The following ULK2 variants were observed in gnomAD, a reference collection of about 807,000 sequenced individuals.
ULK2 encodes the protein unc-51 like autophagy activating kinase 2.
ULK2 carries 76 observed loss-of-function variants against 127.5 expected under a neutral mutation model. The ratio of observed to expected loss-of-function variants is 0.60; its 90% CI spans 0.50 to 0.72. The LOEUF (loss-of-function observed/expected upper bound fraction) is 0.72. ULK2 is among the 30% of genes least tolerant of loss of function. ULK2 has a pLI of 0.00. For synonymous variants in ULK2, 452 were observed against 461.9 expected (o/e 0.98, Z 0.28); for missense variants, 1,144 against 1,295.9 (o/e 0.88, Z 1.80).
chr17:19,801,863 C>G lies in ULK2; in HGVS notation c.1355G>C (p.Cys452Ser), dbSNP rs749607530. Residue 452 changes from cysteine (C) to serine (S), a missense_variant, in exon 16 of 27, where the codon TGC (cysteine) becomes TCC (serine). Around this residue, in one of 2 missense-constraint regions of ULK2, gnomAD observed 913 missense variants for 970.5 expected, o/e 0.94. Transcript: ENST00000395544. ...TGCTGTGTCTGCTGGTACTGGGGAG[C>G]ATGATCCCGGCCGGAGGAAGCCCAT... The part of the protein sequence containing the change: ...SPMGFLRPGS[C>S]SPVPADTAQT... The G allele has an allele frequency of 8.1e-6, 13 of 1,614,136 alleles. No homozygotes were observed. In the South Asian group the frequency reaches 1.2e-4, roughly 15 times the overall value.
At chr17:19,796,378 G>T in intron 18 of ULK2, 96 bp from the exon 19 acceptor site, 1 of 1,135,596 alleles carries the variant, frequency 8.8e-7, no homozygotes, top group Non-Finnish European at 1.2e-6. Context: ...GTAGTCAGGA[G>T]CATGTAGGAG....
intron 20 of ULK2, among the ~76,000 whole-genome samples, chr17:19,789,501 A>C (rs1311875929): frequency 6.6e-6 from 1 of 152,230 alleles, no homozygotes; most frequent in Non-Finnish European, 1.5e-5. Flanking sequence ...GACACGGACA[A>C]AAATCTACAT....
Position 19,838,438 on chromosome 17 carries a change from A to T in ULK2, c.787+63T>A, listed in dbSNP as rs1176728828. On this transcript the variant is annotated intron_variant, in intron 10 of 26. Transcript: ENST00000395544. ...TAATTTTCTGAAATCTCTAGTTTTTAAATCTTTCGGCATATATAACAATAA... is the reference window on the plus strand; with the variant it reads ...TAATTTTCTGAAATCTCTAGTTTTTTAATCTTTCGGCATATATAACAATAA... 2.9e-6 allele frequency: 4 copies of T among 1,400,928 alleles called. No individual in the cohort carries two copies. In the East Asian group the frequency reaches 9.3e-5, roughly 32 times the overall value. 86.8% of individuals were successfully genotyped at this position (1,400,928 alleles called of 1,614,324 possible).
Position 19,804,898 on chromosome 17 carries a change from T to C in ULK2, c.1158-68A>G, listed in dbSNP as rs113792709. 1.1e-5 allele frequency: 17 copies of C among 1,514,484 alleles called. No homozygotes were observed. In the African/African-American group the frequency reaches 1.2e-4, roughly 11 times the overall value. 93.8% of individuals were successfully genotyped at this position (1,514,484 alleles called of 1,614,324 possible). ...GATTGTTTTTCTTTCATTTGACCCA[T>C]TAGTTATATTTAGAGAAAATTCCAG... On this transcript the variant is annotated intron_variant, in intron 14 of 26. Coordinates refer to ENST00000395544, the MANE Select transcript of ULK2 (RefSeq NM_014683.4).
Position 19,776,285 on chromosome 17 carries a change from A to C in ULK2, c.*64T>G. On this transcript the variant is annotated 3_prime_UTR_variant, in exon 27 of 27. Coordinates refer to ENST00000395544, the MANE Select transcript of ULK2 (RefSeq NM_014683.4). Reference sequence around the variant, plus strand: ...TCCTGGGGATGGGGTGACAGAACTCAAGCTGTAATCCCAAAGGCATCACCT... The same window carrying C: ...TCCTGGGGATGGGGTGACAGAACTCCAGCTGTAATCCCAAAGGCATCACCT... The C allele has an allele frequency of 7.0e-7, 1 of 1,438,074 alleles. No individual in the cohort carries two copies. The highest frequency in any genetic ancestry group is 9.3e-7 in the Non-Finnish European group (1 of 1,070,500). The allele number at this position is 1,438,074 out of a possible 1,614,324, so 89.1% of individuals were successfully genotyped here.
At chr17:19,860,784 A>G (rs2152402788) in intron 3 of ULK2, among the ~76,000 whole-genome samples, 1 of 152,250 alleles carries the variant, frequency 6.6e-6, no homozygotes, top group African/African-American at 2.4e-5. Context: ...TCGGCCTCCC[A>G]AAGTGCTGGT....
chr17:19,853,890 A>C (rs3098908), intron 3 of ULK2, among the ~76,000 whole-genome samples: 16,063 of 152,230 alleles, frequency 0.11, 1,570 homozygotes, highest in East Asian at 0.39. Context: ...CCTTCTAATA[A>C]CATCACCATG....
At position 19,771,266 on chromosome 17, in the gene ULK2, G is replaced by A. The variant is rs1567664642; in HGVS notation, c.*5083C>T. 1 of 152,180 alleles carries A rather than the reference G, an allele frequency of 6.6e-6. No individual in the cohort carries two copies. The highest frequency in any genetic ancestry group is 1.5e-5 in the Non-Finnish European group (1 of 68,028). The allele number at this position is 152,180 out of a possible 1,614,324, so 9.4% of individuals were successfully genotyped here. ...TTTGATTTTTCCATCTGTAAAAGGA[G>A]GCAAGTAAGGGTTGGTATGAGGATC... On this transcript the variant is annotated 3_prime_UTR_variant, in exon 27 of 27. Transcript: ENST00000395544.
intron 13 of ULK2, among the ~76,000 whole-genome samples, chr17:19,816,002 T>C (rs761722388): frequency 1.8e-4 from 28 of 152,246 alleles, no homozygotes; most frequent in Admixed American, 3.9e-4. Flanking sequence ...ACCCAGCTAA[T>C]ACTTAATTAC....
intron 1 of ULK2, among the ~76,000 whole-genome samples, chr17:19,866,142 A>C (rs973153044): frequency 2.0e-5 from 3 of 152,178 alleles, no homozygotes; most frequent in African/African-American, 4.8e-5. Context: ...TTAATTGAAA[A>C]GTTATTTGTT....
At chr17:19,794,438 A>C (rs905632699) in intron 20 of ULK2, among the ~76,000 whole-genome samples, 1 of 152,210 alleles carries the variant, frequency 6.6e-6, no homozygotes, top group African/African-American at 2.4e-5. Flanking sequence ...GAAAACACCA[A>C]GCAGAATGAA....
At chr17:19,820,529 T>A (rs906546069) in intron 12 of ULK2, among the ~76,000 whole-genome samples, 5 of 152,206 alleles carry the variant, frequency 3.3e-5, no homozygotes, top group African/African-American at 1.2e-4. Context: ...AAAAGGCCTA[T>A]ATTTGAGCTA....
At chr17:19,781,367 G>T (rs1158473252) in intron 23 of ULK2, among the ~76,000 whole-genome samples, 6 of 149,420 alleles carry the variant, frequency 4.0e-5, no homozygotes, top group Admixed American at 2.0e-4. Flanking sequence ...TCAGCCTCCC[G>T]AATATTAATA....
intron 10 of ULK2, among the ~76,000 whole-genome samples, chr17:19,837,607 T>C (rs1223722652): frequency 1.3e-5 from 2 of 152,162 alleles, no homozygotes; most frequent in East Asian, 1.9e-4. Context: ...TCTATCCATA[T>C]AGTCTTTCCC....
At chr17:19,776,543 T>C (rs1178871341) in intron 26 of ULK2, 136 bp from the exon 27 acceptor site, 2 of 848,144 alleles carry the variant, frequency 2.4e-6, no homozygotes, top group East Asian at 3.0e-5. Context: ...TAGATATGAC[T>C]TCTAGCTTAG....
chr17:19,830,630 A>T (rs1045273665), intron 10 of ULK2, among the ~76,000 whole-genome samples: 3 of 151,994 alleles, frequency 2.0e-5, no homozygotes, highest in Non-Finnish European at 4.4e-5. Context: ...AAAAAAAAAA[A>T]AAAAAAAACT....
chr17:19,805,779 C>CA (rs1293165596), intron 14 of ULK2, among the ~76,000 whole-genome samples: 3 of 151,982 alleles, frequency 2.0e-5, no homozygotes, highest in Non-Finnish European at 4.4e-5. Context: ...AAAAAAAGGC[C>CA]AAAAGACCTG....
intron 13 of ULK2, 91 bp from the exon 14 acceptor site, chr17:19,810,529 C>T (rs1397761096): frequency 5.4e-6 from 4 of 734,688 alleles, no homozygotes; most frequent in South Asian, 2.2e-5. Flanking sequence ...GGATTTCATG[C>T]ACGATGCAAA....
At chr17:19,861,055 A>ACTT (rs2042232013) in intron 3 of ULK2, 1 of 150,210 alleles carries the variant, frequency 6.7e-6, no homozygotes, top group Non-Finnish European at 1.5e-5. Context: ...CAAGAGCAAG[A>ACTT]CTTCTTCTCA....
Sources: gnomAD v4.1 joint callset for allele counts (sites outside exome capture counted in the v4.1 genomes callset) on GRCh38, gnomAD v4.1.1 for gene constraint, gnomAD v4.1.1 regional missense constraint, MANE v1.5 for transcripts, NCBI Gene and HGNC (gene_info 2026-07-23, HGNC 2026-07-21) for gene names.